Variants in PALM2AKAP2 observed in about 807,000 individuals in gnomAD.
PALM2AKAP2 encodes the protein PALM2 and AKAP2 fusion, also known as PALM2-AKAP2 fusion protein.
A neutral mutation model predicts 71.5 loss-of-function variants in PALM2AKAP2; 37 were observed. The observed-to-expected ratio is 0.52, with a 90% confidence interval of 0.40 to 0.68. The LOEUF (loss-of-function observed/expected upper bound fraction) is 0.68, where lower values mean the gene tolerates loss of function less well. PALM2AKAP2 is among the 30% of genes least tolerant of loss of function. The pLI is 0.00. For missense variants in PALM2AKAP2, 1,224 were observed against 1,191.8 expected, an observed-to-expected ratio of 1.03 and a Z score of -0.40; for synonymous variants, 468 against 478.8, an observed-to-expected ratio of 0.98 and a Z score of 0.29.
At chr9:110,051,486 C>A (rs892873144) in intron 1 of PALM2AKAP2, among the ~76,000 whole-genome samples, 2 of 152,148 alleles carry the variant, frequency 1.3e-5, no homozygotes, top group Admixed American at 1.3e-4. Flanking sequence ...ATAACCATTA[C>A]GGATTTGGTG....
chr9:109,685,676 T>A lies in PALM2AKAP2; in HGVS notation c.5+44810T>A, dbSNP rs967373557. 3.3e-5 allele frequency among the ~76,000 whole-genome samples: 5 copies of A among 150,742 alleles called. No individual in the cohort carries two copies. The East Asian group carries it at 5.8e-4, about 17-fold the overall frequency. The stretch of plus-strand genomic sequence containing the variant: ...TACTTGAACCCTCAGTGAATTATAT[T>A]TTTTTTTTGGTGGTAGGGTCTTGCC... On this transcript the variant is annotated intron_variant, in intron 1 of 6. Coordinates refer to the PALM2AKAP2 transcript ENST00000374531.
chr9:110,147,290 A>C (rs1367378741), intron 2 of PALM2AKAP2, among the ~76,000 whole-genome samples: 1 of 151,850 alleles, frequency 6.6e-6, no homozygotes, highest in Non-Finnish European at 1.5e-5. Flanking sequence ...GTCAGGGAGA[A>C]TATATGCTAA....
At chr9:110,052,687 A>G (rs1833735562) in intron 1 of PALM2AKAP2, among the ~76,000 whole-genome samples, 2 of 152,242 alleles carry the variant, frequency 1.3e-5, no homozygotes, top group African/African-American at 4.8e-5. Flanking sequence ...ATTGTTAATG[A>G]AAGTGTTTCT....
At chr9:109,779,422 A>G (rs1405312850), upstream of PALM2AKAP2, among the ~76,000 whole-genome samples, 3 of 151,860 alleles carry the variant, frequency 2.0e-5, no homozygotes, top group Non-Finnish European at 4.4e-5. Context: ...ATTTCAATCC[A>G]GAATGTCACA....
exon 4 of PALM2AKAP2, chr9:110,171,638 G>A (rs1331231286): frequency 1.3e-5 from 2 of 152,190 alleles, no homozygotes; most frequent in Admixed American, 1.3e-4. Flanking sequence ...TTCTGAAGAT[G>A]GGACCGTCCC....
exon 2 of PALM2AKAP2, chr9:109,867,564 A>G: frequency 1.2e-6 from 2 of 1,612,724 alleles, no homozygotes; most frequent in Non-Finnish European, 1.7e-6. Flanking sequence ...CTGCTGCAGC[A>G]TTCCAAGGTA....
chr9:109,678,601 G>T (rs1156807919), intron 1 of PALM2AKAP2, among the ~76,000 whole-genome samples: 2 of 152,138 alleles, frequency 1.3e-5, no homozygotes, highest in African/African-American at 4.8e-5. Flanking sequence ...ATGCTGTTTT[G>T]GGGGGTGCAT....
chr9:109,749,345 A>G (rs918903818), intron 1 of PALM2AKAP2, among the ~76,000 whole-genome samples: 1 of 152,108 alleles, frequency 6.6e-6, no homozygotes, highest in Non-Finnish European at 1.5e-5. Flanking sequence ...TCCTGGGCCT[A>G]GGCAAGTCCC....
chr9:109,831,142 TACACAC>T (rs111681992), intron 1 of PALM2AKAP2, among the ~76,000 whole-genome samples: 6,667 of 134,984 alleles, frequency 0.049, 195 homozygotes, highest in East Asian at 0.14. Context: ...ATACTTCCCC[TACACAC>T]ACACACACAC....
intron 1 of PALM2AKAP2, among the ~76,000 whole-genome samples, chr9:109,828,293 T>A (rs1438099174): frequency 6.6e-6 from 1 of 152,172 alleles, no homozygotes; most frequent in Non-Finnish European, 1.5e-5. Flanking sequence ...AATAAGGAGA[T>A]GTATCATCCT....
At chr9:109,980,657 A>T (rs558339104) in intron 6 of PALM2AKAP2, among the ~76,000 whole-genome samples, 29 of 152,304 alleles carry the variant, frequency 1.9e-4, no homozygotes, top group African/African-American at 7.0e-4. Flanking sequence ...AGCATCTGAG[A>T]TCAGGGCCTG....
At chr9:109,773,706 C>T (rs13295493) in intron 1 of PALM2AKAP2, among the ~76,000 whole-genome samples, 78,096 of 152,042 alleles carry the variant, frequency 0.51, 22,560 homozygotes, top group African/African-American at 0.78. Context: ...AGTCACACAG[C>T]AAGTGGCAGA....
At chr9:110,055,870 G>T (rs899803361) in intron 1 of PALM2AKAP2, among the ~76,000 whole-genome samples, 1 of 152,154 alleles carries the variant, frequency 6.6e-6, no homozygotes, top group Non-Finnish European at 1.5e-5. Flanking sequence ...GTGTGCATAT[G>T]TAACTGCCAC....
At chr9:109,901,227 A>G (rs1830324312) in intron 3 of PALM2AKAP2, among the ~76,000 whole-genome samples, 1 of 152,176 alleles carries the variant, frequency 6.6e-6, no homozygotes, top group Non-Finnish European at 1.5e-5. Context: ...GGACTGCTAA[A>G]TGGGCAATGT....
chr9:109,942,618 T>G (rs1394930448), intron 6 of PALM2AKAP2: 1 of 1,502,456 alleles, frequency 6.7e-7, no homozygotes, highest in Non-Finnish European at 8.9e-7. Flanking sequence ...TTTGTCTGTT[T>G]GGCAATTAAC....
chr9:110,167,561 G>C (rs537220103), intron 3 of PALM2AKAP2, among the ~76,000 whole-genome samples: 1 of 152,342 alleles, frequency 6.6e-6, no homozygotes. Context: ...GGGAGGAAGG[G>C]AGGCTCTCCC....
At chr9:109,671,501 T>C (rs75820234) in intron 1 of PALM2AKAP2, among the ~76,000 whole-genome samples, 12,591 of 152,288 alleles carry the variant, frequency 0.083, 584 homozygotes, top group African/African-American at 0.096. Flanking sequence ...TTTTGGTTAC[T>C]GTAGCCCTGT....
chr9:109,760,625 T>C (rs1829035733), intron 1 of PALM2AKAP2: 2 of 152,130 alleles, frequency 1.3e-5, no homozygotes, highest in South Asian at 4.1e-4. Context: ...CAAATTCTAG[T>C]AAGAGAGAGT....
chr9:110,152,862 C>T (rs1026312922), intron 2 of PALM2AKAP2, among the ~76,000 whole-genome samples: 2 of 152,166 alleles, frequency 1.3e-5, no homozygotes, highest in African/African-American at 4.8e-5. Flanking sequence ...TCACAGGGCC[C>T]AGCAGAGGAG....
Sources: allele counts gnomAD v4.1 joint callset (sites outside exome capture counted in the v4.1 genomes callset), GRCh38; gene constraint gnomAD v4.1.1; transcripts MANE v1.5; gene names NCBI Gene and HGNC (gene_info 2026-07-23, HGNC 2026-07-21).